EPOR: variants seen among roughly 807,000 people sequenced by gnomAD.
EPOR encodes the protein erythropoietin receptor.
A neutral mutation model predicts 34.3 loss-of-function variants in EPOR; 20 were observed. The observed-to-expected ratio is 0.58, with a 90% confidence interval of 0.41 to 0.85. The LOEUF (loss-of-function observed/expected upper bound fraction) is 0.85. EPOR is among the 40% of genes least tolerant of loss of function. EPOR has a pLI of 0.00. For synonymous variants in EPOR, 312 were observed against 299.0 expected (o/e 1.04, Z -0.45); for missense variants, 601 against 672.7 (o/e 0.89, Z 1.18).
rs1358963922 is a variant in EPOR, at chr19:11,383,084, G to T, written c.251+13C>A. ...CCCTCCGCCCTTGGAGGCACCCGCC[G>T]GATCGGACTCACTCGAGCTGGTAGG... On this transcript the variant is annotated intron_variant, in intron 2 of 7. Coordinates refer to ENST00000222139, the MANE Select transcript of EPOR (RefSeq NM_000121.4). The surrounding 1 kb of genome is among the most constrained non-coding windows in gnomAD (Gnocchi z 4.9). 2 of 1,612,206 alleles carry T rather than the reference G, an allele frequency of 1.2e-6. No individual in the cohort carries two copies. The highest frequency in any genetic ancestry group is 4.5e-5 in the East Asian group (2 of 44,852).
chr19:11,379,763 C>T (rs545334237), intron 6 of EPOR, among the ~76,000 whole-genome samples: 11 of 151,680 alleles, frequency 7.3e-5, no homozygotes, highest in South Asian at 4.2e-4. Flanking sequence ...TGCGATGGCA[C>T]GATCTCGGCT....
Position 11,383,625 on chromosome 19 carries a change from G to C in EPOR, c.116-393C>G, listed in dbSNP as rs1047263475. 1 of 232,736 alleles carries C rather than the reference G, an allele frequency of 4.3e-6. No homozygotes were observed. Among genetic ancestry groups the C allele is most frequent in the African/African-American group, 2.3e-5 (1 of 42,848 alleles). The allele number at this position is 232,736 out of a possible 1,614,324, so 14.4% of individuals were successfully genotyped here. A position where few individuals can be genotyped will look rare whatever the true frequency, so the allele number is the denominator to read the frequency against. ...TCCCCGCCAACCGATAGCGCCAACC[G>C]TGCCCCCCGCCTCCCTCCCTCCACC... On this transcript the variant is annotated intron_variant, in intron 1 of 7. Transcript: ENST00000222139. This position sits in a 1 kb window ranked among gnomAD's most constrained non-coding sequence, Gnocchi z 4.9.
chr19:11,379,744 A>C, intron 6 of EPOR, among the ~76,000 whole-genome samples: 1 of 147,652 alleles, frequency 6.8e-6, no homozygotes, highest in Non-Finnish European at 1.5e-5. Flanking sequence ...CTTATTGCCC[A>C]GGCTGGAATG....
At chr19:11,380,780 G>C (rs893803302) in intron 6 of EPOR, 104 bp downstream of exon 6, 3 of 910,778 alleles carry the variant, frequency 3.3e-6, no homozygotes, top group Non-Finnish European at 5.3e-6. Flanking sequence ...CTTACTGCGT[G>C]ACCTTGGGCA....
chr19:11,381,261 TG>T lies in EPOR; in HGVS notation c.586-53del. 8 of 1,540,806 alleles carry T rather than the reference TG, an allele frequency of 5.2e-6. No homozygotes were observed. Among genetic ancestry groups the T allele is most frequent in the Non-Finnish European group, 7.0e-6 (8 of 1,141,048 alleles). ...GCGTAGCAGACAAAAATAGATGACG[TG>T]GGGGCGGGCCCTGGTGGAACTGAGC... On this transcript the variant is annotated intron_variant, in intron 4 of 7. Transcript: ENST00000222139. This position sits in a 1 kb window ranked among gnomAD's most constrained non-coding sequence, Gnocchi z 5.3.
rs2144697916 is a variant in EPOR, at chr19:11,381,636, T to A, written c.585+56A>T. On this transcript the variant is annotated intron_variant, in intron 4 of 7. Transcript: ENST00000222139. The surrounding 1 kb of genome is among the most constrained non-coding windows in gnomAD (Gnocchi z 5.3). ...GCACCGGGCGCGACCTCGAGAGGCG[T>A]GGCTGGGCCGTAGTCAGTGGAGCTT... 6.5e-7 allele frequency: 1 copy of A among 1,545,506 alleles called. No individual in the cohort carries two copies. Among genetic ancestry groups the A allele is most frequent in the Non-Finnish European group, 8.8e-7 (1 of 1,141,920 alleles).
At position 11,384,232 on chromosome 19, in the gene EPOR, C is replaced by T. The variant is rs1368665202; in HGVS notation, c.-25G>A. 9 of 1,453,716 alleles carry T rather than the reference C, an allele frequency of 6.2e-6. No homozygotes were observed. The highest frequency in any genetic ancestry group is 9.4e-7 in the Non-Finnish European group (1 of 1,066,816). The allele number at this position is 1,453,716 out of a possible 1,614,324, so 90.1% of individuals were successfully genotyped here. A position where few individuals can be genotyped will look rare whatever the true frequency, so the allele number is the denominator to read the frequency against. ...TGATACAGCCCCCGCCACGGGGAGC[C>T]CAGGGCTCCTGCCCCTCCGTCCCCC... On this transcript the variant is annotated 5_prime_UTR_variant, in exon 1 of 8. Coordinates refer to ENST00000222139, the MANE Select transcript of EPOR (RefSeq NM_000121.4).
At position 11,383,065 on chromosome 19, in the gene EPOR, G is replaced by A; in HGVS notation, c.251+32C>T. 2.0e-6 allele frequency: 3 copies of A among 1,517,414 alleles called. No homozygotes were observed. Among genetic ancestry groups the A allele is most frequent in the Non-Finnish European group, 2.7e-6 (3 of 1,094,944 alleles). 94.0% of individuals were successfully genotyped at this position (1,517,414 alleles called of 1,614,324 possible). A position where few individuals can be genotyped will look rare whatever the true frequency, so the allele number is the denominator to read the frequency against. On this transcript the variant is annotated intron_variant, in intron 2 of 7. Transcript: ENST00000222139. The surrounding 1 kb of genome is among the most constrained non-coding windows in gnomAD (Gnocchi z 4.9). ...GAGCTCTGCCCCACCCCCTCCCTCC[G>A]CCCTTGGAGGCACCCGCCGGATCGG...
In EPOR at chr19:11,380,973, T is replaced by C; in HGVS notation, c.740-2A>G. 6.4e-7 allele frequency: 1 copy of C among 1,553,148 alleles called. No individual in the cohort carries two copies. The highest frequency in any genetic ancestry group is 8.7e-7 in the Non-Finnish European group (1 of 1,147,580). ...GCGTCAGGATGAGGGGGTCCAGGTC[T>C]AAGAGGCGGGGAGGAGGTCAGGGCG... On this transcript the variant is annotated splice_acceptor_variant, in intron 5 of 7. Coordinates refer to ENST00000222139, the MANE Select transcript of EPOR (RefSeq NM_000121.4). LOFTEE classifies it high-confidence loss of function.
chr19:11,379,692 C>A (rs1044218694), intron 6 of EPOR, among the ~76,000 whole-genome samples: 60 of 152,036 alleles, frequency 3.9e-4, no homozygotes, highest in Non-Finnish European at 7.9e-4. Context: ...CCACTCTAGC[C>A]ATGTGGCAAT....
Position 11,383,241 on chromosome 19 carries a change from G to A in EPOR, c.116-9C>T, listed in dbSNP as rs746306017. The A allele has an allele frequency of 1.9e-6, 3 of 1,586,736 alleles. No individual in the cohort carries two copies. In the East Asian group the frequency reaches 6.7e-5, roughly 36 times the overall value. ...GGCCGCCAGCAAGGCCGCTGGGGAG[G>A]GGCGACAAAGGAAGGGCATGGGGGT... On this transcript the variant is annotated splice_polypyrimidine_tract_variant and intron_variant, in intron 1 of 7. Transcript: ENST00000222139. This position sits in a 1 kb window ranked among gnomAD's most constrained non-coding sequence, Gnocchi z 4.9.
In EPOR at chr19:11,377,742, T is replaced by C. The variant is rs886829561; in HGVS notation, c.*242A>G. ...GAAGATGGGACTTAAAGGGTGTTTGTAGAAATCATGGTAGAAAAACTTACA... is the reference window on the plus strand; with the variant it reads ...GAAGATGGGACTTAAAGGGTGTTTGCAGAAATCATGGTAGAAAAACTTACA... On this transcript the variant is annotated 3_prime_UTR_variant, in exon 8 of 8. Coordinates refer to ENST00000222139, the MANE Select transcript of EPOR (RefSeq NM_000121.4). 1.5e-6 allele frequency: 1 copy of C among 654,950 alleles called. No individual in the cohort carries two copies. The highest frequency in any genetic ancestry group is 2.8e-6 in the Non-Finnish European group (1 of 358,746). 40.6% of individuals were successfully genotyped at this position (654,950 alleles called of 1,614,324 possible).
At position 11,378,233 on chromosome 19, in the gene EPOR, G is replaced by A. The variant is rs121917831; in HGVS notation, c.1278C>T (p.Tyr426=). The A allele has an allele frequency of 1.2e-6, 2 of 1,614,134 alleles. No individual in the cohort carries two copies. The highest frequency in any genetic ancestry group is 1.7e-6 in the Non-Finnish European group (2 of 1,180,018). ...GCTGGGAGCTGGGGTCCAGGATAGT[G>A]TACTCAAAGCTGGCAGCAGAGGCTC... is the stretch of plus-strand genomic sequence containing the variant. ...PEGASAASFE[Y]TILDPSSQLL... Residue 426 remains tyrosine, a synonymous_variant, in exon 8 of 8, where the codon TAC becomes TAT. Transcript: ENST00000222139. The surrounding 1 kb of genome is among the most constrained non-coding windows in gnomAD (Gnocchi z 5.3).
rs182850257 is a variant in EPOR at position 11,377,956 on chromosome 19, G to T, written c.*28C>A. On this transcript the variant is annotated 3_prime_UTR_variant, in exon 8 of 8. Transcript: ENST00000222139. ...TGCACTGGTTCTCTGAGTCATATTGGATCCCTGATCATCTGCAGCCTGGTG... is the reference window on the plus strand; with the variant it reads ...TGCACTGGTTCTCTGAGTCATATTGTATCCCTGATCATCTGCAGCCTGGTG... 3.1e-6 allele frequency: 5 copies of T among 1,613,394 alleles called. No individual in the cohort carries two copies. The highest frequency in any genetic ancestry group is 4.2e-6 in the Non-Finnish European group (5 of 1,179,914).
chr19:11,382,953 G>T, intron 2 of EPOR, 144 bp downstream of exon 2: 1 of 1,562,404 alleles, frequency 6.4e-7, no homozygotes, highest in South Asian at 1.2e-5. Context: ...GCCAGCCCTG[G>T]ACCCGCAGGT....
At position 11,377,690 on chromosome 19, in the gene EPOR, T is replaced by G. The variant is rs1478995432; in HGVS notation, c.*294A>C. On this transcript the variant is annotated 3_prime_UTR_variant, in exon 8 of 8. Coordinates refer to ENST00000222139, the MANE Select transcript of EPOR (RefSeq NM_000121.4). ...TCTGAATAAGCTCAAGAACTTTAAC[T>G]TCTATCCCTATGGCCTATGCCCAGG... 1 of 577,546 alleles carries G rather than the reference T, an allele frequency of 1.7e-6. No homozygotes were observed. The highest frequency in any genetic ancestry group is 3.2e-6 in the Non-Finnish European group (1 of 309,224). The allele number at this position is 577,546 out of a possible 1,614,324, so 35.8% of individuals were successfully genotyped here. A position where few individuals can be genotyped will look rare whatever the true frequency, so the allele number is the denominator to read the frequency against.
Position 11,379,150 on chromosome 19 carries a change from A to AC in EPOR, c.828-373dup, listed in dbSNP as rs1390374949. ...AGACCAGCCTAGGAAACATAGTGAG[A>AC]CCCCCATCTCTAAAAAAAATAAAAT... is the stretch of plus-strand genomic sequence containing the variant. On this transcript the variant is annotated intron_variant, in intron 6 of 7. Transcript: ENST00000222139. Among the ~76,000 whole-genome samples the AC allele has an allele frequency of 3.3e-5, 5 of 151,848 alleles. No individual in the cohort carries two copies. In the East Asian group the frequency reaches 7.8e-4, roughly 24 times the overall value.
chr19:11,382,355 G>T (rs1292988164), intron 2 of EPOR, among the ~76,000 whole-genome samples: 2 of 147,628 alleles, frequency 1.4e-5, no homozygotes, highest in East Asian at 4.0e-4. Context: ...CACGCGCCAC[G>T]CCTGGCTTTT....
chr19:11,381,778 G>A lies in EPOR; in HGVS notation c.499C>T (p.Leu167Phe), dbSNP rs774431553. The A allele has an allele frequency of 2.5e-6, 4 of 1,613,578 alleles. No homozygotes were observed. Among genetic ancestry groups the A allele is most frequent in the Non-Finnish European group, 3.4e-6 (4 of 1,179,800 alleles). Residue 167 changes from leucine to phenylalanine, a missense_variant, in exon 4 of 8, where the codon CTC becomes TTC. Leu to Phe is a conservative substitution (Grantham distance 22). Transcript: ENST00000222139. The surrounding 1 kb of genome is among the most constrained non-coding windows in gnomAD (Gnocchi z 5.3). ...DESGHVVLRW[L>F]PPPETPMTSH... The stretch of plus-strand genomic sequence containing the variant: ...GTCATGGGTGTCTCAGGCGGCGGGA[G>A]CCAGCGCAACACTACGTGGCCGCTC...
Sources: allele counts gnomAD v4.1 joint callset (sites outside exome capture counted in the v4.1 genomes callset), GRCh38; gene constraint gnomAD v4.1.1; non-coding constraint Gnocchi (gnomAD v3.1); transcripts MANE v1.5; gene names NCBI Gene and HGNC (gene_info 2026-07-23, HGNC 2026-07-21).